The following GRM8 variants were observed in gnomAD, a reference collection of about 807,000 sequenced individuals.
The protein encoded by GRM8 is glutamate metabotropic receptor 8, also known as metabotropic glutamate receptor 8.
GRM8 carries 47 observed loss-of-function variants against 87.2 expected under a neutral mutation model. The ratio of observed to expected loss-of-function variants is 0.54; its 90% confidence interval spans 0.43 to 0.69. The LOEUF (loss-of-function observed/expected upper bound fraction) is 0.69, where lower values mean the gene tolerates loss of function less well. Among genes scored for constraint, GRM8 ranks in the 30% least tolerant of loss-of-function variants. The pLI is 0.00. For missense variants in GRM8, 1,019 were observed against 1,139.2 expected (o/e 0.89, Z 1.52); for synonymous variants, 396 against 404.5 (o/e 0.98, Z 0.25).
intron 7 of GRM8, among the ~76,000 whole-genome samples, chr7:126,640,073 C>T (rs545802870): frequency 2.8e-4 from 42 of 152,176 alleles, no homozygotes; most frequent in East Asian, 1.9e-4. Context: ...ATAGGGCAAT[C>T]GAAGGAATGT....
intron 6 of GRM8, among the ~76,000 whole-genome samples, chr7:126,786,359 G>C (rs979988771): frequency 1.3e-5 from 2 of 152,024 alleles, no homozygotes; most frequent in African/African-American, 4.8e-5. Flanking sequence ...AAATAAACAA[G>C]GAAAAAATAA....
At chr7:126,741,186 G>A (rs971783149) in intron 7 of GRM8, among the ~76,000 whole-genome samples, 16 of 151,928 alleles carry the variant, frequency 1.1e-4, no homozygotes, top group African/African-American at 3.9e-4. Flanking sequence ...TAGATTACTG[G>A]CAGTACTCGG....
chr7:126,711,160 G>A (rs894832269), intron 7 of GRM8, among the ~76,000 whole-genome samples: 4 of 152,224 alleles, frequency 2.6e-5, no homozygotes, highest in African/African-American at 4.8e-5. Context: ...GGATATCACA[G>A]TGAGACTGTC....
chr7:126,439,833 T>TGTGTGTGTGTGTGTGTGC (rs1195274515), intron 10 of GRM8, among the ~76,000 whole-genome samples: 1 of 150,994 alleles, frequency 6.6e-6, no homozygotes, highest in East Asian at 2.0e-4. Context: ...CTAGTGTGTG[T>TGTGTGTGTGTGTGTGTGC]GTGTGTGTGT....
intron 10 of GRM8, among the ~76,000 whole-genome samples, chr7:126,440,971 T>C (rs1488947200): frequency 6.6e-6 from 1 of 152,096 alleles, no homozygotes; most frequent in Non-Finnish European, 1.5e-5. Context: ...AATATTTTGG[T>C]AAAATTTTAC....
At chr7:126,520,445 CACG>C (rs1812812855) in intron 9 of GRM8, among the ~76,000 whole-genome samples, 1 of 151,966 alleles carries the variant, frequency 6.6e-6, no homozygotes, top group Admixed American at 6.6e-5. Context: ...CATTTTTGAA[CACG>C]TAAAAGGGCA....
At chr7:126,975,036 G>T (rs1414371746) in intron 3 of GRM8, among the ~76,000 whole-genome samples, 4 of 151,086 alleles carry the variant, frequency 2.6e-5, no homozygotes, top group Admixed American at 2.6e-4. Flanking sequence ...AGCTGAGAGG[G>T]CTCATAGGTT....
At chr7:126,580,136 T>C (rs1029671231) in intron 8 of GRM8, among the ~76,000 whole-genome samples, 17 of 152,288 alleles carry the variant, frequency 1.1e-4, no homozygotes, top group African/African-American at 3.8e-4. Context: ...AGGGCCATCT[T>C]TTTATAGACA....
chr7:127,143,553 C>A (rs1208078631), intron 2 of GRM8, among the ~76,000 whole-genome samples: 1 of 152,018 alleles, frequency 6.6e-6, no homozygotes, highest in East Asian at 1.9e-4. Context: ...CATGACGACC[C>A]TGTGAGGGAG....
intron 2 of GRM8, among the ~76,000 whole-genome samples, chr7:127,154,536 C>T (rs1444301426): frequency 1.3e-5 from 2 of 152,102 alleles, no homozygotes; most frequent in Non-Finnish European, 2.9e-5. Flanking sequence ...CCTACTGTGT[C>T]CCTGAACGTG....
At chr7:126,678,702 G>A (rs1807244579) in intron 7 of GRM8, among the ~76,000 whole-genome samples, 1 of 152,168 alleles carries the variant, frequency 6.6e-6, no homozygotes, top group African/African-American at 2.4e-5. Flanking sequence ...CAGTGTGCTT[G>A]CCACTTCCTT....
Position 127,252,856 on chromosome 7 carries a change from G to GCGC in GRM8, c.-374_-372dup, listed in dbSNP as rs550378317. The GCGC allele has an allele frequency of 2.2e-3, 478 of 218,104 alleles. 5 individuals carry two copies. The highest frequency in any genetic ancestry group is 0.012 in the Admixed American group (183 of 15,864). 13.5% of individuals were successfully genotyped at this position (218,104 alleles called of 1,614,324 possible). The stretch of plus-strand genomic sequence containing the variant: ...GCCGGGGGCCCGCAGCTCCATGTCA[G>GCGC]CGCCGCCGCCGCCGCCGCCGCCGCC... On this transcript the variant is annotated 5_prime_UTR_variant, in exon 1 of 11. Coordinates refer to ENST00000339582, the MANE Select transcript of GRM8 (RefSeq NM_000845.3). This position sits in a 1 kb window ranked among gnomAD's most constrained non-coding sequence, Gnocchi z 4.9.
At chr7:127,057,983 A>G (rs1820171813) in intron 3 of GRM8, 1 of 272,780 alleles carries the variant, frequency 3.7e-6, no homozygotes, top group Admixed American at 5.6e-5. Flanking sequence ...TCTAACCTGT[A>G]ATTTATAGTT....
intron 8 of GRM8, among the ~76,000 whole-genome samples, chr7:126,552,049 C>T (rs1585031555): frequency 6.6e-6 from 1 of 152,054 alleles, no homozygotes; most frequent in Non-Finnish European, 1.5e-5. Flanking sequence ...TCTCTATTTA[C>T]TCTTGTTTTG....
chr7:127,246,855 G>A (rs1798608160), intron 1 of GRM8, among the ~76,000 whole-genome samples: 2 of 152,144 alleles, frequency 1.3e-5, no homozygotes, highest in Non-Finnish European at 2.9e-5. Flanking sequence ...CCAGGCATTA[G>A]CTCTTGTATA....
At chr7:126,790,255 G>A (rs772730064) in intron 6 of GRM8, among the ~76,000 whole-genome samples, 2 of 152,108 alleles carry the variant, frequency 1.3e-5, no homozygotes, top group African/African-American at 2.4e-5. Flanking sequence ...TGGTCCACCC[G>A]CCTCAGCCTC....
At chr7:126,580,506 A>G (rs369693804) in intron 8 of GRM8, among the ~76,000 whole-genome samples, 103 of 152,276 alleles carry the variant, frequency 6.8e-4, no homozygotes, top group African/African-American at 2.4e-3. Flanking sequence ...AAGATTGATC[A>G]TGAGCTCCAC....
intron 7 of GRM8, among the ~76,000 whole-genome samples, chr7:126,681,143 GACCC>G (rs1807524030): frequency 1.3e-5 from 2 of 152,126 alleles, no homozygotes; most frequent in Admixed American, 1.3e-4. Context: ...ATATTTATTA[GACCC>G]CATTTTCTGC....
chr7:127,208,914 G>A (rs979083034), intron 2 of GRM8, among the ~76,000 whole-genome samples: 2 of 152,202 alleles, frequency 1.3e-5, no homozygotes, highest in African/African-American at 4.8e-5. Context: ...TGCCTTGAAT[G>A]TCTGGCTTTT....
Sources: gnomAD v4.1 joint callset for allele counts (sites outside exome capture counted in the v4.1 genomes callset) on GRCh38, gnomAD v4.1.1 for gene constraint, Gnocchi (gnomAD v3.1) non-coding constraint, MANE v1.5 for transcripts, NCBI Gene and HGNC (gene_info 2026-07-23, HGNC 2026-07-21) for gene names.